Variants in NDUFA10 observed in about 807,000 individuals in gnomAD.
NDUFA10 encodes NADH:ubiquinone oxidoreductase subunit A10.
A neutral mutation model predicts 47.8 loss-of-function variants in NDUFA10; 40 were observed. The observed-to-expected ratio is 0.84, with a 90% CI of 0.65 to 1.09. NDUFA10 has a LOEUF of 1.09. NDUFA10 is among the 50% of genes least tolerant of loss of function. The probability of loss-of-function intolerance (pLI) is 0.00; values close to 1 mark genes in which losing one functional copy is unlikely to be tolerated. For synonymous variants in NDUFA10, 183 were observed against 172.2 expected, an observed-to-expected ratio of 1.06 and a Z score of -0.49; for missense variants, 413 against 451.1, an observed-to-expected ratio of 0.92 and a Z score of 0.76.
rs536668892 is a variant in NDUFA10, at chr2:239,914,737, A to G, written c.295-19423T>C. Among the ~76,000 whole-genome samples the G allele has an allele frequency of 5.1e-4, 21 of 40,910 alleles. 3 individuals are homozygous for G. Among genetic ancestry groups the G allele is most frequent in the South Asian group, 3.8e-3 (8 of 2,122 alleles). The allele number at this position is 40,910 out of a possible 152,430, so 26.8% of individuals were successfully genotyped here. ...GACACACACAAATATACAGAGATACACATACACACACAGAACACACACATA... is the reference window on the plus strand; with the variant it reads ...GACACACACAAATATACAGAGATACGCATACACACACAGAACACACACATA... On this transcript the variant is annotated intron_variant, in intron 4 of 5. Transcript: ENST00000419408.
intron 4 of NDUFA10, among the ~76,000 whole-genome samples, chr2:239,919,496 C>A (rs775128983): frequency 6.6e-6 from 1 of 151,072 alleles, no homozygotes; most frequent in Non-Finnish European, 1.5e-5. Flanking sequence ...ATTCCTAACA[C>A]GCAGTGGGCA....
chr2:240,004,159 T>C (rs1356148937), intron 8 of NDUFA10, among the ~76,000 whole-genome samples: 3 of 151,750 alleles, frequency 2.0e-5, no homozygotes, highest in Non-Finnish European at 4.4e-5. Context: ...GAGGAGGGCA[T>C]GGAACCAGGA....
intron 4 of NDUFA10, among the ~76,000 whole-genome samples, chr2:239,918,406 C>T (rs948425343): frequency 4.6e-5 from 7 of 151,902 alleles, no homozygotes; most frequent in African/African-American, 1.7e-4. Flanking sequence ...CTCAGGTGCC[C>T]CCGCACGCCA....
intron 4 of NDUFA10, 48 bp downstream of exon 4, chr2:240,018,505 G>C: frequency 5.0e-6 from 8 of 1,614,144 alleles, no homozygotes; most frequent in Non-Finnish European, 6.8e-6. Context: ...CACAGCCCTT[G>C]CAAAGTCGCA....
chr2:239,935,943 AC>A (rs909685656), intron 4 of NDUFA10, among the ~76,000 whole-genome samples: 50 of 152,328 alleles, frequency 3.3e-4, no homozygotes, highest in Middle Eastern at 3.4e-3. Flanking sequence ...AGACTAACAC[AC>A]AGGGAAACTG....
chr2:239,979,958 G>A (rs74919194), intron 9 of NDUFA10, among the ~76,000 whole-genome samples: 4 of 150,724 alleles, frequency 2.7e-5, no homozygotes, highest in South Asian at 2.3e-4. Context: ...CCTGCCTTCC[G>A]GGGGGTGCCT....
intron 4 of NDUFA10, among the ~76,000 whole-genome samples, chr2:239,915,044 C>T (rs1418171220): frequency 7.7e-6 from 1 of 130,092 alleles, no homozygotes; most frequent in Non-Finnish European, 1.7e-5. Flanking sequence ...ACACAGAACA[C>T]ACACATACAC....
At position 239,945,217 on chromosome 2, in the gene NDUFA10, C is replaced by T. The variant is rs1694427599; in HGVS notation, c.294+44857G>A. Among the ~76,000 whole-genome samples, 1 of 152,206 alleles carries T rather than the reference C, an allele frequency of 6.6e-6. No homozygotes were observed. The highest frequency in any genetic ancestry group is 2.4e-5 in the African/African-American group (1 of 41,464). On this transcript the variant is annotated intron_variant, in intron 4 of 5. Transcript: ENST00000419408. The surrounding 1 kb of genome is among the most constrained non-coding windows in gnomAD (Gnocchi z 4.6). ...AGCCACTTCTCAGGTCACCGGCAGG[C>T]GTTGAGCAGGCCGCTCTGCAGACGC...
At chr2:239,936,468 T>C (rs1181291118) in intron 4 of NDUFA10, among the ~76,000 whole-genome samples, 5 of 152,068 alleles carry the variant, frequency 3.3e-5, no homozygotes, top group African/African-American at 7.2e-5. Context: ...CTGAAACCCA[T>C]AGCAGGCACA....
intron 9 of NDUFA10, among the ~76,000 whole-genome samples, chr2:239,966,536 A>G (rs954524012): frequency 3.3e-5 from 5 of 152,174 alleles, no homozygotes; most frequent in Non-Finnish European, 7.3e-5. Flanking sequence ...CCTGATTCAT[A>G]TACAGGAAAG....
intron 8 of NDUFA10, among the ~76,000 whole-genome samples, chr2:239,991,678 C>T (rs991707683): frequency 5.3e-5 from 8 of 152,122 alleles, no homozygotes; most frequent in African/African-American, 1.9e-4. Context: ...TCTACAAGTA[C>T]GTATCTTCTT....
At chr2:239,976,644 C>G (rs185743329) in intron 9 of NDUFA10, 1 of 152,242 alleles carries the variant, frequency 6.6e-6, no homozygotes, top group Non-Finnish European at 1.5e-5. Flanking sequence ...GCACTGAGTG[C>G]GGTGAAATGG....
intron 9 of NDUFA10, among the ~76,000 whole-genome samples, chr2:239,982,532 T>C (rs935017295): frequency 1.3e-5 from 2 of 152,220 alleles, no homozygotes; most frequent in African/African-American, 2.4e-5. Flanking sequence ...CAGAGACTGA[T>C]GGCTCCTTGG....
chr2:239,995,807 G>T (rs931118839), intron 8 of NDUFA10, among the ~76,000 whole-genome samples: 1 of 152,202 alleles, frequency 6.6e-6, no homozygotes, highest in Admixed American at 6.5e-5. Flanking sequence ...AGATAGAGCT[G>T]ACTTCAAACA....
At chr2:239,941,378 C>T in intron 4 of NDUFA10, among the ~76,000 whole-genome samples, 1 of 152,102 alleles carries the variant, frequency 6.6e-6, no homozygotes, top group East Asian at 1.9e-4. Context: ...GCACCGGGGG[C>T]ACAGAACTGC....
At chr2:239,920,410 G>T (rs575976015) in intron 4 of NDUFA10, among the ~76,000 whole-genome samples, 2 of 152,330 alleles carry the variant, frequency 1.3e-5, no homozygotes, top group East Asian at 3.9e-4. Flanking sequence ...CCCCGTCCTG[G>T]GGCAGATCCT....
chr2:239,959,048 AG>A lies in NDUFA10; in HGVS notation c.*2069del. ...CTCTTCTTGAGGCTTCTATGTGGAGAGAAGAATTGGACAGTGTTTATTCATC... is the reference window on the plus strand; with the variant it reads ...CTCTTCTTGAGGCTTCTATGTGGAGAAAGAATTGGACAGTGTTTATTCATC... On this transcript the variant is annotated 3_prime_UTR_variant, in exon 10 of 10. Coordinates refer to ENST00000252711, the MANE Select transcript of NDUFA10 (RefSeq NM_004544.4). The A allele has an allele frequency of 1.0e-6, 1 of 985,454 alleles. No homozygotes were observed. 61.0% of individuals were successfully genotyped at this position (985,454 alleles called of 1,614,324 possible).
At chr2:239,961,437 A>G (rs1261512507) in intron 9 of NDUFA10, among the ~76,000 whole-genome samples, 1 of 152,088 alleles carries the variant, frequency 6.6e-6, no homozygotes. Flanking sequence ...CGAACTACTG[A>G]GTGTTCTCAT....
At chr2:239,953,106 C>T (rs1286074517), downstream of NDUFA10, among the ~76,000 whole-genome samples, 1 of 152,184 alleles carries the variant, frequency 6.6e-6, no homozygotes, top group Non-Finnish European at 1.5e-5. Flanking sequence ...CATGGGACCT[C>T]GGGTGGCAAA....
Sources: gnomAD v4.1 joint callset for allele counts (sites outside exome capture counted in the v4.1 genomes callset) on GRCh38, gnomAD v4.1.1 for gene constraint, Gnocchi (gnomAD v3.1) non-coding constraint, MANE v1.5 for transcripts, NCBI Gene and HGNC (gene_info 2026-07-23, HGNC 2026-07-21) for gene names.